CNTNAP2: variants seen among roughly 807,000 people sequenced by gnomAD.
CNTNAP2 encodes contactin-associated protein-like 2.
In CNTNAP2, 98 loss-of-function variants were observed where a neutral mutation model predicts 155.2. The ratio of observed to expected loss-of-function variants is 0.63; its 90% CI spans 0.54 to 0.75. CNTNAP2 has a LOEUF of 0.75. Ranked by LOEUF, CNTNAP2 falls within the 30% of genes least tolerant of loss-of-function variation. CNTNAP2 has a pLI of 0.00. For synonymous variants in CNTNAP2, 651 were observed against 631.2 expected (o/e 1.03, Z -0.47); for missense variants, 1,727 against 1,688.1 (o/e 1.02, Z -0.40).
chr7:147,546,411 T>C (rs1185602985), intron 11 of CNTNAP2, among the ~76,000 whole-genome samples: 1 of 152,190 alleles, frequency 6.6e-6, no homozygotes, highest in East Asian at 1.9e-4. Context: ...ATATATTAAT[T>C]CATTAAAAGC....
At chr7:147,363,961 G>A (rs1226434548) in intron 9 of CNTNAP2, among the ~76,000 whole-genome samples, 2 of 152,138 alleles carry the variant, frequency 1.3e-5, no homozygotes, top group Admixed American at 1.3e-4. Context: ...GTTGGCGTAT[G>A]CTAGTTTGAC....
intron 10 of CNTNAP2, among the ~76,000 whole-genome samples, chr7:147,448,177 T>A (rs1797772553): frequency 6.6e-6 from 1 of 152,170 alleles, no homozygotes; most frequent in South Asian, 2.1e-4. Context: ...TATATTTTCC[T>A]CATCTTCCCT....
At chr7:147,470,178 G>A (rs564026207) in intron 10 of CNTNAP2, among the ~76,000 whole-genome samples, 2 of 152,348 alleles carry the variant, frequency 1.3e-5, no homozygotes, top group South Asian at 4.1e-4. Context: ...GAGTAGAATA[G>A]GTTGGGTGAG....
At chr7:146,550,401 G>GTTTTTTTTTTTTTTTTTTTTTTTTTTTTT (rs10673467) in intron 1 of CNTNAP2, among the ~76,000 whole-genome samples, 1 of 54,382 alleles carries the variant, frequency 1.8e-5, no homozygotes, top group Non-Finnish European at 3.3e-5. Flanking sequence ...CCATTAATCT[G>GTTTTTTTTTTTTTTTTTTTTTTTTTTTTT]TTTTTTTTTT....
rs528631339 is a variant in CNTNAP2 at position 146,820,645 on chromosome 7, G to T, written c.209-19066G>T. Among the ~76,000 whole-genome samples the T allele has an allele frequency of 9.5e-4, 145 of 152,262 alleles. 2 individuals carry two copies. The South Asian group carries it at 0.012, about 13-fold the overall frequency. ...TGCTGAAAAGAATGTATATTCTGTT[G>T]ATTTGGGGTGGAGAGTTCTGTAGAT... is the stretch of plus-strand genomic sequence containing the variant. On this transcript the variant is annotated intron_variant, in intron 2 of 23. Transcript: ENST00000361727.
At chr7:146,456,656 T>A (rs1584933934) in intron 1 of CNTNAP2, among the ~76,000 whole-genome samples, 2 of 152,318 alleles carry the variant, frequency 1.3e-5, no homozygotes, top group Middle Eastern at 6.8e-3. Flanking sequence ...TCCCAAGTTC[T>A]CCTTAAGGCC....
intron 13 of CNTNAP2, among the ~76,000 whole-genome samples, chr7:147,727,023 G>A (rs1796655073): frequency 1.6e-5 from 2 of 122,482 alleles, no homozygotes; most frequent in Non-Finnish European, 1.6e-5. Context: ...ATGTATATGT[G>A]TGTATATATA....
chr7:147,302,433 C>A (rs867866142), intron 9 of CNTNAP2, among the ~76,000 whole-genome samples: 12 of 152,082 alleles, frequency 7.9e-5, no homozygotes, highest in African/African-American at 2.9e-4. Flanking sequence ...GTTTTTGAGC[C>A]CAGGAGTCAG....
chr7:147,988,959 A>C (rs11980845), intron 15 of CNTNAP2, among the ~76,000 whole-genome samples: 2 of 152,152 alleles, frequency 1.3e-5, no homozygotes, highest in African/African-American at 4.8e-5. Context: ...GAAAAACGAG[A>C]CATGGCTCTG....
At chr7:147,881,455 T>C (rs1799518694) in intron 13 of CNTNAP2, among the ~76,000 whole-genome samples, 1 of 152,216 alleles carries the variant, frequency 6.6e-6, no homozygotes, top group Admixed American at 6.5e-5. Context: ...TACTGAGTTA[T>C]TGTTATGAAC....
At chr7:146,160,435 TAGACTGCTAGCA>T (rs1335155027) in intron 1 of CNTNAP2, among the ~76,000 whole-genome samples, 5 of 152,078 alleles carry the variant, frequency 3.3e-5, no homozygotes, top group Admixed American at 2.0e-4. Flanking sequence ...ACAAAATTGA[TAGACTGCTAGCA>T]AGACTGCTAG....
At chr7:147,464,464 C>CCAAAA (rs1471991402) in intron 10 of CNTNAP2, among the ~76,000 whole-genome samples, 1 of 79,218 alleles carries the variant, frequency 1.3e-5, no homozygotes, top group African/African-American at 5.0e-5. Context: ...GAGACTCCAT[C>CCAAAA]TAAAAAAAAA....
intron 22 of CNTNAP2, among the ~76,000 whole-genome samples, chr7:148,397,632 A>T (rs1799497797): frequency 6.6e-6 from 1 of 152,178 alleles, no homozygotes; most frequent in Admixed American, 6.5e-5. Context: ...GGAATAAATC[A>T]TCCCCAAGGC....
chr7:147,992,181 G>A (rs747606112), intron 15 of CNTNAP2, among the ~76,000 whole-genome samples: 1 of 124,472 alleles, frequency 8.0e-6, no homozygotes, highest in African/African-American at 3.1e-5. Context: ...TGCAACCTCC[G>A]CCTCCTGGGC....
intron 13 of CNTNAP2, among the ~76,000 whole-genome samples, chr7:147,668,913 C>T (rs1795742649): frequency 6.6e-6 from 1 of 152,098 alleles, no homozygotes; most frequent in African/African-American, 2.4e-5. Flanking sequence ...GAGCAACTTC[C>T]AGTCCTGCAA....
rs573495381 is a variant in CNTNAP2 at position 147,710,172 on chromosome 7, G to A, written c.2098+70866G>A. 5.7e-4 allele frequency among the ~76,000 whole-genome samples: 87 copies of A among 152,276 alleles called. 2 individuals are homozygous for A. In the South Asian group the frequency reaches 0.017, roughly 30 times the overall value. On this transcript the variant is annotated intron_variant, in intron 13 of 23. Transcript: ENST00000361727. ...GGAGGTATTGTTTCTGCATGTTGGA[G>A]TTCCTGTAAATTACATTTACAACTC... is the stretch of plus-strand genomic sequence containing the variant.
intron 8 of CNTNAP2, among the ~76,000 whole-genome samples, chr7:147,280,764 T>C (rs1805017194): frequency 1.3e-5 from 2 of 151,946 alleles, no homozygotes. Flanking sequence ...TCTACCATAA[T>C]TTGCTTTAAA....
chr7:147,042,055 CT>C (rs60038015), intron 3 of CNTNAP2, among the ~76,000 whole-genome samples: 2,011 of 152,204 alleles, frequency 0.013, 56 homozygotes, highest in African/African-American at 0.046. Context: ...AAGAAAATGT[CT>C]TTTTAGAAAT....
At chr7:147,870,737 T>C (rs976830409) in intron 13 of CNTNAP2, among the ~76,000 whole-genome samples, 8 of 152,108 alleles carry the variant, frequency 5.3e-5, no homozygotes, top group Non-Finnish European at 1.0e-4. Context: ...AACAATACAC[T>C]TCTTGTCCTT....
Sources: gnomAD v4.1 joint callset for allele counts (sites outside exome capture counted in the v4.1 genomes callset) on GRCh38, gnomAD v4.1.1 for gene constraint, MANE v1.5 for transcripts, NCBI Gene and HGNC (gene_info 2026-07-23, HGNC 2026-07-21) for gene names.